MAOA: variants seen among roughly 807,000 people sequenced by gnomAD.
MAOA encodes monoamine oxidase A.
MAOA carries 6 observed loss-of-function variants against 42.0 expected under a neutral mutation model. The ratio of observed to expected loss-of-function variants is 0.14; its 90% confidence interval spans 0.08 to 0.28. MAOA has a LOEUF of 0.28. Among genes scored for constraint, MAOA ranks in the 10% least tolerant of loss-of-function variants. The pLI is 1.00. For synonymous variants in MAOA, 140 were observed against 154.0 expected (o/e 0.91, Z 0.67); for missense variants, 262 against 422.3 (o/e 0.62, Z 3.33).
chrX:43,711,828 GAT>G (rs2033701637), intron 3 of MAOA, 42 bp from the exon 4 acceptor site: 2 of 1,000,748 alleles, frequency 2.0e-6, no homozygotes, highest in Non-Finnish European at 2.8e-6. Flanking sequence ...TCAAATTTAA[GAT>G]ATTACTCTTT....
intron 5 of MAOA, among the ~76,000 whole-genome samples, chrX:43,717,848 G>A (rs1007725721): frequency 2.7e-5 from 3 of 109,892 alleles, no homozygotes; most frequent in African/African-American, 6.6e-5. Context: ...AGAATTTGGG[G>A]AGGGGGGGAA....
intron 3 of MAOA, among the ~76,000 whole-genome samples, chrX:43,697,445 A>G (rs1198214943): frequency 8.9e-6 from 1 of 112,253 alleles, no homozygotes; most frequent in Non-Finnish European, 1.9e-5. Flanking sequence ...TGTTTGATGG[A>G]TGCAGTAACT....
intron 2 of MAOA, among the ~76,000 whole-genome samples, chrX:43,683,993 A>G (rs1034395144): frequency 9.0e-6 from 1 of 110,853 alleles, no homozygotes; most frequent in Non-Finnish European, 1.9e-5. Context: ...TAGATTCCCT[A>G]TTTATCCAAT....
chrX:43,678,067 A>G (rs1000048725), intron 1 of MAOA, among the ~76,000 whole-genome samples: 5 of 111,830 alleles, frequency 4.5e-5, no homozygotes, highest in African/African-American at 1.6e-4. Context: ...AATAGACAAT[A>G]ATGTTAGTAG....
chrX:43,741,815 C>T (rs986954040), intron 11 of MAOA, 135 bp from the exon 12 acceptor site: 2 of 1,091,951 alleles, frequency 1.8e-6, no homozygotes. Context: ...ATCATGTTTC[C>T]CCTTAAGTGA....
chrX:43,696,967 C>T (rs757335342), intron 3 of MAOA, among the ~76,000 whole-genome samples: 36 of 111,502 alleles, frequency 3.2e-4, no homozygotes, highest in African/African-American at 1.2e-3. Context: ...GTGGTTGATC[C>T]CTCAAGGTCA....
chrX:43,712,859 C>T (rs2033710301), intron 5 of MAOA, 63 bp downstream of exon 5: 2 of 783,673 alleles, frequency 2.6e-6, no homozygotes, highest in Non-Finnish European at 3.9e-6. Context: ...TTATATCTTG[C>T]CTTGAACTGC....
chrX:43,691,227 G>T (rs752626331), intron 2 of MAOA, among the ~76,000 whole-genome samples: 2 of 110,586 alleles, frequency 1.8e-5, no homozygotes, highest in Non-Finnish European at 3.8e-5. Context: ...ACAAAAATTA[G>T]CTGAGTGTGG....
chrX:43,717,849 A>AG (rs1035009397), intron 5 of MAOA, among the ~76,000 whole-genome samples: 2 of 107,918 alleles, frequency 1.9e-5, no homozygotes, highest in African/African-American at 6.8e-5. Flanking sequence ...GAATTTGGGG[A>AG]GGGGGGGAAT....
chrX:43,677,639 A>G (rs958053235), intron 1 of MAOA, among the ~76,000 whole-genome samples: 1 of 112,055 alleles, frequency 8.9e-6, no homozygotes, highest in Non-Finnish European at 1.9e-5. Flanking sequence ...AGAATACTTA[A>G]TGCAAACTAA....
At chrX:43,729,920 G>A (rs904389230) in intron 6 of MAOA, among the ~76,000 whole-genome samples, 19 of 111,339 alleles carry the variant, frequency 1.7e-4, no homozygotes, top group African/African-American at 4.3e-4. Context: ...CTGGCTGGGC[G>A]CGGTGGCTCA....
In MAOA at chrX:43,731,558, C is replaced by T. The variant is rs1349913769; in HGVS notation, c.796-136C>T. On this transcript the variant is annotated intron_variant, in intron 7 of 14. Coordinates refer to ENST00000338702, the MANE Select transcript of MAOA (RefSeq NM_000240.4). ...CCTACCTTGATCTGTTTTGTTGCCT[C>T]ACAGTTGCCTCATTTTCTCATTTTG... is the stretch of plus-strand genomic sequence containing the variant. 7.0e-6 allele frequency: 6 copies of T among 858,462 alleles called. No homozygotes were observed. In the African/African-American group the frequency reaches 1.0e-4, roughly 14 times the overall value. 70.7% of individuals were successfully genotyped at this position (858,462 alleles called of 1,213,427 possible). A position where few individuals can be genotyped will look rare whatever the true frequency, so the allele number is the denominator to read the frequency against.
chrX:43,683,256 A>T (rs1180159585), intron 1 of MAOA, among the ~76,000 whole-genome samples: 1 of 111,912 alleles, frequency 8.9e-6, no homozygotes, highest in Non-Finnish European at 1.9e-5. Flanking sequence ...AGATATATAT[A>T]TTTTAAGACC....
chrX:43,669,418 GA>G (rs1421392502), intron 1 of MAOA, among the ~76,000 whole-genome samples: 1 of 110,101 alleles, frequency 9.1e-6, no homozygotes, highest in Non-Finnish European at 1.9e-5. Flanking sequence ...ACTCCATCTC[GA>G]AAAAAATAAT....
At chrX:43,662,814 T>A (rs1166879305) in intron 1 of MAOA, among the ~76,000 whole-genome samples, 1 of 105,025 alleles carries the variant, frequency 9.5e-6, no homozygotes, top group South Asian at 4.0e-4. Context: ...AATGATAGGG[T>A]TTTTTTTTTC....
chrX:43,677,244 G>T (rs1032786834), intron 1 of MAOA, among the ~76,000 whole-genome samples: 16 of 111,891 alleles, frequency 1.4e-4, no homozygotes, highest in Non-Finnish European at 2.8e-4. Context: ...CCCAAGGTAT[G>T]CTATGTGGAT....
chrX:43,707,313 A>G (rs968003647), intron 3 of MAOA, among the ~76,000 whole-genome samples: 2 of 111,510 alleles, frequency 1.8e-5, no homozygotes, highest in African/African-American at 3.3e-5. Context: ...ACATCCCTTC[A>G]TATCTGGCTA....
At chrX:43,702,162 G>C (rs1248730771) in intron 3 of MAOA, among the ~76,000 whole-genome samples, 1 of 112,030 alleles carries the variant, frequency 8.9e-6, no homozygotes, top group African/African-American at 3.2e-5. Context: ...AACCTTTTCT[G>C]TCATTGCCTC....
At chrX:43,671,061 G>T (rs1351996243) in intron 1 of MAOA, among the ~76,000 whole-genome samples, 2 of 92,765 alleles carry the variant, frequency 2.2e-5, no homozygotes, top group African/African-American at 8.4e-5. Flanking sequence ...CCCACCAACA[G>T]TGTAAAAGTG....
Sources: allele counts gnomAD v4.1 joint callset (sites outside exome capture counted in the v4.1 genomes callset), GRCh38; gene constraint gnomAD v4.1.1; transcripts MANE v1.5; gene names NCBI Gene and HGNC (gene_info 2026-07-23, HGNC 2026-07-21).